The following KCNQ5 variants were observed in gnomAD, a reference collection of about 807,000 sequenced individuals.
KCNQ5 encodes the protein potassium voltage-gated channel subfamily Q member 5, also known as potassium voltage-gated channel subfamily KQT member 5.
In KCNQ5, 30 loss-of-function variants were observed where a neutral mutation model predicts 98.2. That is an observed-to-expected ratio of 0.31 (90% CI 0.23 to 0.41). The LOEUF (loss-of-function observed/expected upper bound fraction) is 0.41. KCNQ5 is among the 10% of genes least tolerant of loss of function. The pLI, the probability that KCNQ5 is intolerant of heterozygous loss-of-function variation, is 1.00. For missense variants in KCNQ5, 835 were observed against 1,182.5 expected, an observed-to-expected ratio of 0.71 and a Z score of 4.31; for synonymous variants, 458 against 449.4, an observed-to-expected ratio of 1.02 and a Z score of -0.24.
In KCNQ5 at chr6:73,152,883, C is replaced by T. The variant is rs73458596; in HGVS notation, c.1469-16863C>T. 2.1e-3 allele frequency among the ~76,000 whole-genome samples: 319 copies of T among 152,288 alleles called. 2 individuals are homozygous for T. The highest frequency in any genetic ancestry group is 6.9e-3 in the African/African-American group (286 of 41,558). ...GGTCTTACTACCATTATTACGATAA[C>T]GAGCAGGTTGTGGTGGATCCTCAAC... On this transcript the variant is annotated intron_variant, in intron 10 of 13. Transcript: ENST00000370398.
chr6:72,891,965 A>G (rs1394342668), intron 1 of KCNQ5, among the ~76,000 whole-genome samples: 1 of 152,128 alleles, frequency 6.6e-6, no homozygotes, highest in African/African-American at 2.4e-5. Context: ...ACTACACTTT[A>G]TGGTCAATTT....
At chr6:73,125,705 A>G (rs1775953573) in intron 9 of KCNQ5, among the ~76,000 whole-genome samples, 1 of 152,206 alleles carries the variant, frequency 6.6e-6, no homozygotes, top group South Asian at 2.1e-4. Flanking sequence ...AGATAAACAA[A>G]TGAAAACATA....
intron 1 of KCNQ5, among the ~76,000 whole-genome samples, chr6:72,665,630 C>A (rs1369720033): frequency 1.3e-5 from 2 of 152,186 alleles, no homozygotes; most frequent in African/African-American, 2.4e-5. Context: ...CTGCCCAAAG[C>A]AACCAGACTA....
At chr6:72,907,416 A>G (rs535628262) in intron 1 of KCNQ5, among the ~76,000 whole-genome samples, 37 of 152,312 alleles carry the variant, frequency 2.4e-4, no homozygotes, top group African/African-American at 7.5e-4. Context: ...ATTATTTACA[A>G]CTAGCTCCAA....
At chr6:72,769,584 A>T (rs1297064319) in intron 1 of KCNQ5, among the ~76,000 whole-genome samples, 2 of 152,068 alleles carry the variant, frequency 1.3e-5, no homozygotes, top group Middle Eastern at 3.4e-3. Flanking sequence ...GGGTTGAGAA[A>T]CTTTGGGCTG....
Position 73,091,768 on chromosome 6 carries a change from T to G in KCNQ5, c.919-13489T>G, listed in dbSNP as rs1774262305. 7.9e-5 allele frequency among the ~76,000 whole-genome samples: 12 copies of G among 152,112 alleles called. No homozygotes were observed. The South Asian group carries it at 2.5e-3, about 32-fold the overall frequency. ...TTGGTTGGTTGGGTTTTTTGTTGGT[T>G]TATTTGTTTGTTTGTTTTGGCTTAG... On this transcript the variant is annotated intron_variant, in intron 5 of 13. Coordinates refer to ENST00000370398, the MANE Select transcript of KCNQ5 (RefSeq NM_019842.4).
chr6:73,027,991 G>C (rs540510122), intron 2 of KCNQ5, among the ~76,000 whole-genome samples: 2 of 152,246 alleles, frequency 1.3e-5, no homozygotes, highest in East Asian at 3.9e-4. Flanking sequence ...TTTGAATACT[G>C]TACTTTCAGT....
chr6:72,862,809 G>A (rs1474776631), intron 1 of KCNQ5, among the ~76,000 whole-genome samples: 1 of 151,832 alleles, frequency 6.6e-6, no homozygotes, highest in African/African-American at 2.4e-5. Context: ...TTAATTTTTT[G>A]TACAGATGAA....
chr6:72,818,084 G>A (rs900313026), intron 1 of KCNQ5, among the ~76,000 whole-genome samples: 11 of 152,166 alleles, frequency 7.2e-5, no homozygotes, highest in African/African-American at 2.4e-4. Context: ...AAAAATCGAA[G>A]CTCAGTTTGA....
Position 73,168,292 on chromosome 6 carries a change from C to T in KCNQ5, c.1469-1454C>T, listed in dbSNP as rs558627736. On this transcript the variant is annotated intron_variant, in intron 10 of 13. Coordinates refer to ENST00000370398, the MANE Select transcript of KCNQ5 (RefSeq NM_019842.4). ...GGAGCCCAACCAGGACAGCCCATGG[C>T]AAAGTCTTTTCCTTTCATGACTTAG... 2.0e-5 allele frequency among the ~76,000 whole-genome samples: 3 copies of T among 152,340 alleles called. No individual in the cohort carries two copies. The East Asian group carries it at 5.8e-4, about 29-fold the overall frequency.
At position 72,967,570 on chromosome 6, in the gene KCNQ5, T is replaced by G. The variant is rs1331749994; in HGVS notation, c.399-36338T>G. On this transcript the variant is annotated intron_variant, in intron 1 of 13. Coordinates refer to ENST00000370398, the MANE Select transcript of KCNQ5 (RefSeq NM_019842.4). ...ATGTTTTCAGATCTATGCTATGCAC[T>G]ACAAGGGTCTCAAAAAGGAATGAAG... 6 of 152,896 alleles carry G rather than the reference T, an allele frequency of 3.9e-5. No homozygotes were observed. The Admixed American group carries it at 3.9e-4, about 10-fold the overall frequency. The allele number at this position is 152,896 out of a possible 1,614,324, so 9.5% of individuals were successfully genotyped here. A position where few individuals can be genotyped will look rare whatever the true frequency, so the allele number is the denominator to read the frequency against.
In KCNQ5 at chr6:73,194,707, A is replaced by G. The variant is rs142259226; in HGVS notation, c.2092A>G (p.Ser698Gly). The G allele has an allele frequency of 6.2e-7, 1 of 1,614,286 alleles. No individual in the cohort carries two copies. Among genetic ancestry groups the G allele is most frequent in the East Asian group, 2.2e-5 (1 of 44,888 alleles). The change falls in exon 14 of 14, where the codon AGT (serine) becomes GGT (glycine). Residue 698 changes from serine (S) to glycine (G), a missense_variant. By Grantham distance (56) the Ser-to-Gly change is moderately conservative. Coordinates refer to ENST00000370398, the MANE Select transcript of KCNQ5 (RefSeq NM_019842.4). ...GTTCATTCTGACGCCAAATGAGTTC[A>G]GTGCCCAGACTTTCTACGCGCTTAG... ...LQFILTPNEF[S>G]AQTFYALSPT... is the part of the protein sequence containing the mutation.
intron 1 of KCNQ5, among the ~76,000 whole-genome samples, chr6:72,733,547 A>G (rs1354192078): frequency 3.9e-5 from 6 of 152,264 alleles, no homozygotes; most frequent in African/African-American, 1.2e-4. Context: ...TGGAAGAGTC[A>G]TGAGCAAGTT....
chr6:72,852,894 T>C (rs1427853547), intron 1 of KCNQ5, among the ~76,000 whole-genome samples: 1 of 151,862 alleles, frequency 6.6e-6, no homozygotes, highest in Non-Finnish European at 1.5e-5. Context: ...CTCTACATGA[T>C]GAAATATTAT....
At chr6:73,062,534 C>G (rs1483418460) in intron 3 of KCNQ5, among the ~76,000 whole-genome samples, 1 of 152,142 alleles carries the variant, frequency 6.6e-6, no homozygotes, top group African/African-American at 2.4e-5. Flanking sequence ...ACAACCCCTA[C>G]ACACACAAAG....
intron 1 of KCNQ5, among the ~76,000 whole-genome samples, chr6:72,754,502 A>G (rs1474517023): frequency 1.3e-5 from 2 of 152,084 alleles, no homozygotes; most frequent in Non-Finnish European, 2.9e-5. Flanking sequence ...CTGGAGAAAT[A>G]TTTAGTTGCC....
At chr6:73,019,050 C>T (rs1049132018) in intron 2 of KCNQ5, among the ~76,000 whole-genome samples, 4 of 152,026 alleles carry the variant, frequency 2.6e-5, no homozygotes, top group Non-Finnish European at 5.9e-5. Context: ...GTATGCAAAG[C>T]CAACACCTCT....
chr6:72,919,535 G>A (rs1348317761), intron 1 of KCNQ5, among the ~76,000 whole-genome samples: 1 of 152,178 alleles, frequency 6.6e-6, no homozygotes, highest in Non-Finnish European at 1.5e-5. Context: ...TGAGGAAACA[G>A]AGGACTGAAG....
At chr6:72,660,780 A>G (rs1447743339) in intron 1 of KCNQ5, among the ~76,000 whole-genome samples, 1 of 152,182 alleles carries the variant, frequency 6.6e-6, no homozygotes, top group Non-Finnish European at 1.5e-5. Flanking sequence ...AGAAAATTGC[A>G]TTAATAAATT....
Sources: gnomAD v4.1 joint callset for allele counts (sites outside exome capture counted in the v4.1 genomes callset) on GRCh38, gnomAD v4.1.1 for gene constraint, MANE v1.5 for transcripts, NCBI Gene and HGNC (gene_info 2026-07-23, HGNC 2026-07-21) for gene names.